The following MYOM1 variants were observed in gnomAD, a reference collection of about 807,000 sequenced individuals.
MYOM1 encodes the protein myomesin-1.
In MYOM1, 164 loss-of-function variants were observed where a neutral mutation model predicts 205.3. The ratio of observed to expected loss-of-function variants is 0.80; its 90% CI spans 0.70 to 0.91. MYOM1 has a LOEUF of 0.91. Among genes scored for constraint, MYOM1 ranks in the 40% least tolerant of loss-of-function variants. The pLI, the probability that MYOM1 is intolerant of heterozygous loss-of-function variation, is 0.00. For missense variants in MYOM1, 2,011 were observed against 2,127.3 expected (o/e 0.95, Z 1.08); for synonymous variants, 772 against 789.4 (o/e 0.98, Z 0.37).
intron 10 of MYOM1, among the ~76,000 whole-genome samples, chr18:3,161,320 T>C (rs73373202): frequency 0.18 from 27,417 of 152,154 alleles, 2,645 homozygotes; most frequent in East Asian, 0.37. Flanking sequence ...TCAATGCCGA[T>C]GTGGTGTGGC....
At chr18:3,129,142 G>T in intron 18 of MYOM1, 90 bp downstream of exon 18, 1 of 1,443,116 alleles carries the variant, frequency 6.9e-7, no homozygotes. Context: ...ATTGATGAAA[G>T]CAAACATGGA....
Position 3,100,431 on chromosome 18 carries a change from G to A in MYOM1, c.3576-5C>T, listed in dbSNP as rs7232329. ...TCTTTGAAGGTCATTTTCGTCCTTC[G>A]GAACAAAATATTTTTCTTAGAAATG... On this transcript the variant is annotated splice_polypyrimidine_tract_variant and splice_region_variant and intron_variant, in intron 23 of 37. Transcript: ENST00000356443. 690,370 of 1,606,494 alleles carry A rather than the reference G, an allele frequency of 0.43. 152,167 individuals carry two copies. The highest frequency in any genetic ancestry group is 0.56 in the Admixed American group (33,089 of 59,600).
chr18:3,164,161 T>G, intron 10 of MYOM1, 117 bp downstream of exon 10: 1 of 1,189,216 alleles, frequency 8.4e-7, no homozygotes, highest in Non-Finnish European at 1.2e-6. Context: ...CCTGCCAGAA[T>G]TTTGAAATGA....
At chr18:3,069,570 A>G (rs1021088549) in intron 37 of MYOM1, among the ~76,000 whole-genome samples, 1 of 152,250 alleles carries the variant, frequency 6.6e-6, no homozygotes, top group African/African-American at 2.4e-5. Flanking sequence ...ATTTCAGTCA[A>G]AAAAAGAGGA....
At chr18:3,116,620 C>A (rs1298299255) in intron 20 of MYOM1, 105 bp from the exon 21 acceptor site, 2 of 1,047,320 alleles carry the variant, frequency 1.9e-6, no homozygotes, top group Non-Finnish European at 2.6e-6. Context: ...CACTGGTGTT[C>A]TTTTTTCAAA....
At chr18:3,234,916 TC>T in the MYOM1 span, among the ~76,000 whole-genome samples, 7 of 147,414 alleles carry the variant, frequency 4.7e-5, no homozygotes, top group Non-Finnish European at 8.9e-5. Context: ...TGTCATTATC[TC>T]TTTAAATTTT....
At chr18:3,239,884 C>T in the MYOM1 span, among the ~76,000 whole-genome samples, 1 of 151,418 alleles carries the variant, frequency 6.6e-6, no homozygotes, top group African/African-American at 2.4e-5. Context: ...AACCACTTAG[C>T]TTGTTTCCTA....
the MYOM1 span, among the ~76,000 whole-genome samples, chr18:3,226,997 C>T: frequency 6.6e-6 from 1 of 152,162 alleles, no homozygotes; most frequent in African/African-American, 2.4e-5. This position sits in a 1 kb window ranked among gnomAD's most constrained non-coding sequence, Gnocchi z 4.6. Flanking sequence ...GGACAAGCCC[C>T]TAAGCCAGAA....
intron 2 of MYOM1, among the ~76,000 whole-genome samples, chr18:3,194,928 G>A (rs6506084): frequency 0.54 from 81,743 of 150,968 alleles, 23,332 homozygotes; most frequent in African/African-American, 0.74. Context: ...AAAAGTTAAT[G>A]TATTTTTTAA....
intron 25 of MYOM1, among the ~76,000 whole-genome samples, chr18:3,095,874 G>A (rs556824512): frequency 6.6e-6 from 1 of 152,162 alleles, no homozygotes; most frequent in Non-Finnish European, 1.5e-5. Flanking sequence ...CTCCCTTACA[G>A]GATGCTCATG....
the MYOM1 span, among the ~76,000 whole-genome samples, chr18:3,245,598 C>T: frequency 9.2e-5 from 14 of 152,218 alleles, no homozygotes; most frequent in South Asian, 1.0e-3. Flanking sequence ...GTTGACTAAC[C>T]GTTTTTAAAT....
At chr18:3,214,282 G>A (rs745328308) in intron 2 of MYOM1, among the ~76,000 whole-genome samples, 6 of 152,168 alleles carry the variant, frequency 3.9e-5, no homozygotes, top group Non-Finnish European at 7.3e-5. Flanking sequence ...TGAGCGCAAG[G>A]AAACCCGCTG....
chr18:3,224,606 C>A (rs1403373813), upstream of MYOM1, among the ~76,000 whole-genome samples: 3 of 152,196 alleles, frequency 2.0e-5, no homozygotes, highest in African/African-American at 7.2e-5. Context: ...CATTAGGAAG[C>A]ACAAACATAA....
intron 29 of MYOM1, among the ~76,000 whole-genome samples, chr18:3,086,753 T>C (rs560558768): frequency 6.6e-6 from 1 of 152,256 alleles, no homozygotes; most frequent in Admixed American, 6.5e-5. Flanking sequence ...ATCTTGAGTT[T>C]CATCTACAAT....
chr18:3,092,835 C>G (rs1011466634), intron 26 of MYOM1, among the ~76,000 whole-genome samples: 1 of 152,208 alleles, frequency 6.6e-6, no homozygotes, highest in Non-Finnish European at 1.5e-5. Flanking sequence ...ACTTCAGACT[C>G]TCTTTCTAAG....
intron 16 of MYOM1, among the ~76,000 whole-genome samples, chr18:3,132,726 A>G (rs1025922542): frequency 6.6e-6 from 1 of 152,186 alleles, no homozygotes. Flanking sequence ...ATCTGAAGAT[A>G]AGGTGAACAA....
At chr18:3,200,086 C>T (rs73940138) in intron 2 of MYOM1, among the ~76,000 whole-genome samples, 6,812 of 152,070 alleles carry the variant, frequency 0.045, 288 homozygotes, top group African/African-American at 0.11. Flanking sequence ...ATTCTACAAG[C>T]ATGTCCAGCC....
intron 2 of MYOM1, among the ~76,000 whole-genome samples, chr18:3,204,581 A>T (rs1414290748): frequency 1.3e-5 from 2 of 151,986 alleles, no homozygotes; most frequent in East Asian, 3.8e-4. Context: ...AAGAACAACT[A>T]AATAAATAAG....
At position 3,135,241 on chromosome 18, in the gene MYOM1, C is replaced by T. The variant is rs11081019; in HGVS notation, c.2209+306G>A. On this transcript the variant is annotated intron_variant, in intron 15 of 37. Transcript: ENST00000356443. The surrounding 1 kb of genome is among the most constrained non-coding windows in gnomAD (Gnocchi z 4.1). ...CTCAGATTACAGACATGAGCCACCG[C>T]GCCTGGCCTACATTGTATTTTTTAA... The T allele has an allele frequency of 0.02, 5,715 of 289,058 alleles. 76 individuals carry two copies. The highest frequency in any genetic ancestry group is 0.024 in the Non-Finnish European group (3,736 of 153,640). The allele number at this position is 289,058 out of a possible 1,614,324, so 17.9% of individuals were successfully genotyped here.
Sources: gnomAD v4.1 joint callset for allele counts (sites outside exome capture counted in the v4.1 genomes callset) on GRCh38, gnomAD v4.1.1 for gene constraint, Gnocchi (gnomAD v3.1) non-coding constraint, MANE v1.5 for transcripts, NCBI Gene and HGNC (gene_info 2026-07-23, HGNC 2026-07-21) for gene names.